The following NBAS variants were observed in gnomAD, a reference collection of about 807,000 sequenced individuals.
The protein encoded by NBAS is NBAS subunit of NRZ tethering complex, also known as NAG/BC035112 fusion.
Under a neutral mutation model 302.5 loss-of-function variants are expected in NBAS, and 219 were observed. That is an observed-to-expected ratio of 0.72 (90% CI 0.65 to 0.81). The LOEUF is 0.81. NBAS is among the 30% of genes least tolerant of loss of function. NBAS has a pLI of 0.00. For missense variants in NBAS, 2,932 were observed against 2,841.6 expected (o/e 1.03, Z -0.72); for synonymous variants, 1,118 against 1,021.6 (o/e 1.09, Z -1.80).
chr2:15,341,893 G>C (rs1473688539), intron 35 of NBAS, among the ~76,000 whole-genome samples: 2 of 152,112 alleles, frequency 1.3e-5, no homozygotes, highest in Non-Finnish European at 2.9e-5. Flanking sequence ...TGGATGTTCT[G>C]AATTGTGTTG....
the NBAS span, among the ~76,000 whole-genome samples, chr2:15,103,305 T>G: frequency 1.3e-5 from 2 of 152,126 alleles, no homozygotes; most frequent in Non-Finnish European, 2.9e-5. Context: ...CACCTAAAAG[T>G]GAAAGTCACA....
At chr2:15,308,813 T>G (rs1172503161) in intron 39 of NBAS, among the ~76,000 whole-genome samples, 3 of 152,204 alleles carry the variant, frequency 2.0e-5, no homozygotes, top group Non-Finnish European at 4.4e-5. Context: ...AGATAGCTCT[T>G]ATTATTTTGA....
rs572032187 is a variant in NBAS, at chr2:15,179,131, C to T, written c.6712-15G>A. 1 of 1,613,938 alleles carries T rather than the reference C, an allele frequency of 6.2e-7. No homozygotes were observed. The highest frequency in any genetic ancestry group is 1.1e-5 in the South Asian group (1 of 91,074). On this transcript the variant is annotated splice_polypyrimidine_tract_variant and intron_variant, in intron 50 of 51. Transcript: ENST00000281513. The stretch of plus-strand genomic sequence containing the variant: ...TCCTTCACACCCTGAAACCACAGAG[C>T]AGGGGTGAGCGAGAACTCCACGACG...
At chr2:15,290,537 C>T (rs1197841941) in intron 41 of NBAS, among the ~76,000 whole-genome samples, 3 of 152,296 alleles carry the variant, frequency 2.0e-5, no homozygotes, top group Admixed American at 1.3e-4. Context: ...TTTTATTCTG[C>T]ATGATAATCA....
chr2:15,438,610 G>A (rs559099606), intron 21 of NBAS, among the ~76,000 whole-genome samples: 10 of 152,278 alleles, frequency 6.6e-5, no homozygotes, highest in South Asian at 6.2e-4. Flanking sequence ...CAGCGCCCTC[G>A]CTCACTGCCT....
intron 48 of NBAS, among the ~76,000 whole-genome samples, chr2:15,205,595 GA>G (rs1218410955): frequency 6.6e-6 from 1 of 152,122 alleles, no homozygotes; most frequent in East Asian, 1.9e-4. Context: ...TGGAAACCAG[GA>G]AAGAGCAGGA....
chr2:15,292,822 GT>G, intron 40 of NBAS, 56 bp from the exon 41 acceptor site: 1 of 1,510,158 alleles, frequency 6.6e-7, no homozygotes, highest in Non-Finnish European at 9.2e-7. Context: ...ACACGAGCAA[GT>G]GAGTAACAAA....
the NBAS span, among the ~76,000 whole-genome samples, chr2:14,817,198 A>G: frequency 5.3e-5 from 8 of 152,228 alleles, no homozygotes; most frequent in East Asian, 1.3e-3. Context: ...TGTCAAGAAA[A>G]GAATTTCTCC....
the NBAS span, among the ~76,000 whole-genome samples, chr2:14,881,856 A>G: frequency 6.6e-6 from 1 of 152,204 alleles, no homozygotes; most frequent in Non-Finnish European, 1.5e-5. Context: ...GCCAACTCTT[A>G]TATCAGAGAA....
At chr2:15,033,060 C>T in the NBAS span, among the ~76,000 whole-genome samples, 4 of 152,176 alleles carry the variant, frequency 2.6e-5, no homozygotes, top group African/African-American at 9.7e-5. Flanking sequence ...AGGATCCCTG[C>T]CTGGCAGAGC....
At chr2:15,337,078 G>C (rs1013382906) in intron 35 of NBAS, among the ~76,000 whole-genome samples, 4 of 152,072 alleles carry the variant, frequency 2.6e-5, no homozygotes, top group Non-Finnish European at 5.9e-5. Context: ...GTTCGAGACT[G>C]GCCTGGGCAA....
chr2:15,090,044 G>C, the NBAS span, among the ~76,000 whole-genome samples: 2 of 152,098 alleles, frequency 1.3e-5, no homozygotes, highest in African/African-American at 2.4e-5. Flanking sequence ...CACCGTGCCC[G>C]GCCTGGTCAA....
At chr2:15,039,912 G>A in the NBAS span, among the ~76,000 whole-genome samples, 125,091 of 152,184 alleles carry the variant, frequency 0.82, 51,767 homozygotes, top group East Asian at 0.99. Flanking sequence ...CTAAATGGGG[G>A]ACAAATTAAG....
the NBAS span, among the ~76,000 whole-genome samples, chr2:15,011,910 T>C: frequency 4.6e-3 from 695 of 152,288 alleles, 1 homozygote; most frequent in Non-Finnish European, 7.3e-3. Context: ...GATCCATCTA[T>C]ATGAATGAGT....
chr2:14,866,385 T>C, the NBAS span, among the ~76,000 whole-genome samples: 2 of 152,324 alleles, frequency 1.3e-5, no homozygotes, highest in South Asian at 2.1e-4. Flanking sequence ...TGTTTCTCAA[T>C]TGCATTGGTA....
At chr2:15,124,943 G>T in the NBAS span, among the ~76,000 whole-genome samples, 1 of 152,180 alleles carries the variant, frequency 6.6e-6, no homozygotes, top group African/African-American at 2.4e-5. Context: ...GGGGAAATGT[G>T]GGGTTGGAGC....
chr2:15,561,285 C>A lies in NBAS; in HGVS notation c.20G>T (p.Gly7Val), dbSNP rs375378129. Reference sequence around the variant, plus strand: ...TGCAGTGCCTGGACTCAAAGCCGGCCCTGACTCGGGGGCCGCCATGTTCGC... The same window carrying A: ...TGCAGTGCCTGGACTCAAAGCCGGCACTGACTCGGGGGCCGCCATGTTCGC... MAAPESGPALSPGTAEG... is the reference protein window; with the variant it reads MAAPESVPALSPGTAEG... The change falls in exon 1 of 52, where the codon GGG (glycine) becomes GTG (valine). Residue 7 changes from glycine to valine, a missense_variant. Transcript: ENST00000281513. The A allele has an allele frequency of 5.6e-6, 9 of 1,613,476 alleles. No homozygotes were observed. Among genetic ancestry groups the A allele is most frequent in the Non-Finnish European group, 7.6e-6 (9 of 1,180,042 alleles).
downstream of NBAS, among the ~76,000 whole-genome samples, chr2:15,165,934 A>G (rs1045231754): frequency 6.6e-6 from 1 of 152,204 alleles, no homozygotes; most frequent in Non-Finnish European, 1.5e-5. Context: ...CAGAGGTAAA[A>G]GACCAGCACG....
chr2:14,806,606 C>G, the NBAS span, among the ~76,000 whole-genome samples: 1 of 152,188 alleles, frequency 6.6e-6, no homozygotes, highest in Non-Finnish European at 1.5e-5. Flanking sequence ...AAACAGAATT[C>G]TCTATTTTCT....
Sources: allele counts gnomAD v4.1 joint callset (sites outside exome capture counted in the v4.1 genomes callset), GRCh38; gene constraint gnomAD v4.1.1; transcripts MANE v1.5; gene names NCBI Gene and HGNC (gene_info 2026-07-23, HGNC 2026-07-21).